The following SLC2A7 variants were observed in gnomAD, a reference collection of about 807,000 sequenced individuals.
SLC2A7 encodes the protein solute carrier family 2, facilitated glucose transporter member 7.
In SLC2A7, 50 loss-of-function variants were observed where a neutral mutation model predicts 50.5. The ratio of observed to expected loss-of-function variants is 0.99; its 90% CI spans 0.79 to 1.25. The LOEUF (loss-of-function observed/expected upper bound fraction) is 1.25, where lower values mean the gene tolerates loss of function less well. SLC2A7 is among the 50% of genes most tolerant of loss of function. The pLI is 0.00. For synonymous variants in SLC2A7, 308 were observed against 300.4 expected, an observed-to-expected ratio of 1.03 and a Z score of -0.26; for missense variants, 683 against 679.1, an observed-to-expected ratio of 1.01 and a Z score of -0.06.
downstream of SLC2A7, among the ~76,000 whole-genome samples, chr1:8,999,942 C>G (rs1640552509): frequency 6.6e-6 from 1 of 152,118 alleles, no homozygotes; most frequent in Non-Finnish European, 1.5e-5. Flanking sequence ...CTAATAGCAG[C>G]CATGAAGATG....
At chr1:8,995,754 T>A in the SLC2A7 span, among the ~76,000 whole-genome samples, 7 of 152,056 alleles carry the variant, frequency 4.6e-5, no homozygotes, top group East Asian at 1.9e-4. Context: ...TCAAAAAAAA[T>A]TTTTTTATTT....
Position 9,003,380 on chromosome 1 carries a change from C to T in SLC2A7, c.1459G>A (p.Val487Met). The T allele has an allele frequency of 1.9e-6, 3 of 1,614,216 alleles. No homozygotes were observed. The highest frequency in any genetic ancestry group is 1.6e-4 in the Middle Eastern group (1 of 6,062). ...INRIFAKRNRVKLPEEKEETI... is the reference protein window; with the variant it reads ...INRIFAKRNRMKLPEEKEETI... ...TCTTCTTTCTCCTCTGGAAGCTTCA[C>T]CCTGTTTCTCTTGGCAAAAATGCGG... The change falls in exon 12 of 12, where the codon GTG (valine) becomes ATG (methionine). Residue 487 changes from valine to methionine, a missense_variant. By Grantham distance (21) the Val-to-Met change is conservative. Transcript: ENST00000400906.
chr1:9,011,406 C>A (rs1226320616), intron 8 of SLC2A7, among the ~76,000 whole-genome samples: 3 of 152,184 alleles, frequency 2.0e-5, no homozygotes, highest in African/African-American at 7.2e-5. Context: ...GTAATCTCAG[C>A]GCTTTGGGAG....
chr1:9,023,370 G>A (rs1640943351), intron 2 of SLC2A7, among the ~76,000 whole-genome samples: 1 of 152,222 alleles, frequency 6.6e-6, no homozygotes, highest in Non-Finnish European at 1.5e-5. Context: ...CACTTTGGGA[G>A]GTTGAGGCGG....
Position 9,026,373 on chromosome 1 carries a change from C to G in SLC2A7, c.-28G>C. The G allele has an allele frequency of 6.3e-7, 1 of 1,584,346 alleles. No individual in the cohort carries two copies. Among genetic ancestry groups the G allele is most frequent in the Non-Finnish European group, 8.6e-7 (1 of 1,163,250 alleles). On this transcript the variant is annotated 5_prime_UTR_variant, in exon 1 of 12. Coordinates refer to ENST00000400906, the MANE Select transcript of SLC2A7 (RefSeq NM_207420.3). ...TTGTTCAGGTGGGAGAACAGGTGTG[C>G]TCTACCTCCCAAGTGACACCTGCTC...
chr1:8,994,267 TCTTTC>T, the SLC2A7 span, among the ~76,000 whole-genome samples: 3 of 152,350 alleles, frequency 2.0e-5, no homozygotes, highest in South Asian at 6.2e-4. Flanking sequence ...GGCCTGTGCA[TCTTTC>T]CTTATCTGTG....
chr1:9,023,149 T>C, intron 2 of SLC2A7, 71 bp from the exon 3 acceptor site: 2 of 1,520,948 alleles, frequency 1.3e-6, no homozygotes, highest in Non-Finnish European at 1.8e-6. Context: ...GTGTTCTCAG[T>C]GGCCACTTGT....
At chr1:9,007,892 G>T in intron 9 of SLC2A7, among the ~76,000 whole-genome samples, 1 of 151,912 alleles carries the variant, frequency 6.6e-6, no homozygotes, top group Non-Finnish European at 1.5e-5. Flanking sequence ...GCGCCACCAC[G>T]CCCGGCTTAT....
At chr1:8,996,134 C>T in the SLC2A7 span, among the ~76,000 whole-genome samples, 16 of 152,308 alleles carry the variant, frequency 1.1e-4, 1 homozygote, top group African/African-American at 3.4e-4. Context: ...CATATATACA[C>T]GTTCGTGAAA....
At chr1:9,024,929 C>A (rs749403375) in intron 2 of SLC2A7, 47 bp downstream of exon 2, 15 of 1,593,266 alleles carry the variant, frequency 9.4e-6, no homozygotes, top group Non-Finnish European at 1.3e-5. Flanking sequence ...CACCCACGAC[C>A]CCGGTCAGCT....
downstream of SLC2A7, among the ~76,000 whole-genome samples, chr1:9,002,477 C>G (rs750521975): frequency 6.6e-6 from 1 of 152,214 alleles, no homozygotes; most frequent in Non-Finnish European, 1.5e-5. Flanking sequence ...AAACATAACT[C>G]TGGCCTATGT....
chr1:9,010,104 C>T, intron 9 of SLC2A7, 39 bp downstream of exon 9: 1 of 1,541,424 alleles, frequency 6.5e-7, no homozygotes, highest in African/African-American at 1.4e-5. Flanking sequence ...CCACCCTCCC[C>T]ATGACTCCCC....
intron 11 of SLC2A7, 128 bp downstream of exon 11, chr1:9,004,624 G>A: frequency 1.7e-6 from 2 of 1,182,916 alleles, no homozygotes; most frequent in Admixed American, 4.1e-5. Context: ...GTGTGTCTGT[G>A]GACCCTTGGA....
chr1:9,018,434 C>T (rs1557651755), intron 4 of SLC2A7, 59 bp from the exon 5 acceptor site: 2 of 1,597,834 alleles, frequency 1.3e-6, no homozygotes, highest in East Asian at 2.3e-5. Context: ...ATCTGAGATG[C>T]AATTCAATTC....
At chr1:8,998,283 C>A (rs1640533861), downstream of SLC2A7, among the ~76,000 whole-genome samples, 1 of 152,006 alleles carries the variant, frequency 6.6e-6, no homozygotes, top group African/African-American at 2.4e-5. Flanking sequence ...CGGGCGCCTG[C>A]AATCCCAGTT....
intron 8 of SLC2A7, among the ~76,000 whole-genome samples, chr1:9,011,313 A>T (rs1470364095): frequency 6.6e-6 from 1 of 152,142 alleles, no homozygotes; most frequent in African/African-American, 2.4e-5. Context: ...CCACCTCCTG[A>T]TCTGTTGGCC....
intron 10 of SLC2A7, 145 bp from the exon 11 acceptor site, chr1:9,005,024 C>T: frequency 1.1e-6 from 1 of 934,236 alleles, no homozygotes; most frequent in Non-Finnish European, 1.6e-6. Flanking sequence ...CCTGCCTTTA[C>T]CCACAAAACC....
At chr1:9,015,755 G>T (rs1455198787) in intron 5 of SLC2A7, among the ~76,000 whole-genome samples, 2 of 147,308 alleles carry the variant, frequency 1.4e-5, no homozygotes, top group African/African-American at 5.0e-5. Context: ...ACAGAGTCTA[G>T]CTCTATCAGC....
chr1:9,017,666 C>A (rs1640850356), intron 5 of SLC2A7, among the ~76,000 whole-genome samples: 1 of 152,212 alleles, frequency 6.6e-6, no homozygotes, highest in African/African-American at 2.4e-5. Context: ...TGTTTGCATG[C>A]CTTTTCTATT....
Sources: allele counts gnomAD v4.1 joint callset (sites outside exome capture counted in the v4.1 genomes callset), GRCh38; gene constraint gnomAD v4.1.1; transcripts MANE v1.5; gene names NCBI Gene and HGNC (gene_info 2026-07-23, HGNC 2026-07-21).